FAM13A: variants seen among roughly 807,000 people sequenced by gnomAD.
The protein encoded by FAM13A is protein FAM13A.
FAM13A carries 76 observed loss-of-function variants against 129.6 expected under a neutral mutation model. That is an observed-to-expected ratio of 0.59 (90% CI 0.49 to 0.71). The LOEUF (loss-of-function observed/expected upper bound fraction) is 0.71. FAM13A is among the 30% of genes least tolerant of loss of function. FAM13A has a pLI of 0.00. For missense variants in FAM13A, 1,108 were observed against 1,249.3 expected (o/e 0.89, Z 1.70); for synonymous variants, 443 against 449.9 (o/e 0.98, Z 0.20).
At chr4:88,894,670 C>T (rs1220724170) in intron 6 of FAM13A, among the ~76,000 whole-genome samples, 4 of 152,056 alleles carry the variant, frequency 2.6e-5, no homozygotes, top group African/African-American at 4.8e-5. Flanking sequence ...TACAGGCATG[C>T]GCCACCATGG....
At chr4:88,831,113 A>C (rs558690624) in intron 7 of FAM13A, among the ~76,000 whole-genome samples, 172 of 152,290 alleles carry the variant, frequency 1.1e-3, no homozygotes, top group African/African-American at 3.8e-3. Context: ...ACAGGGAAAA[A>C]TCCACAGTTT....
chr4:88,947,805 G>A (rs1560492016), intron 4 of FAM13A, among the ~76,000 whole-genome samples: 1 of 151,578 alleles, frequency 6.6e-6, no homozygotes, highest in Non-Finnish European at 1.5e-5. Context: ...CAGTAAATTT[G>A]TTACAATTTT....
At chr4:88,931,993 G>A (rs1178726165) in intron 5 of FAM13A, among the ~76,000 whole-genome samples, 3 of 152,180 alleles carry the variant, frequency 2.0e-5, no homozygotes, top group Non-Finnish European at 4.4e-5. Context: ...TGCTCAGAAG[G>A]TTCTAATATT....
At chr4:88,762,687 G>A (rs899995065) in intron 13 of FAM13A, among the ~76,000 whole-genome samples, 18 of 152,028 alleles carry the variant, frequency 1.2e-4, no homozygotes, top group Admixed American at 9.2e-4. Context: ...GCCTTCAAAT[G>A]TTAGCCTAGT....
intron 4 of FAM13A, among the ~76,000 whole-genome samples, chr4:88,971,964 C>T (rs1760143764): frequency 6.6e-6 from 1 of 152,160 alleles, no homozygotes; most frequent in South Asian, 2.1e-4. Context: ...ACATCTCCTT[C>T]AATAACAATA....
rs1393694824 is a variant in FAM13A at position 88,960,493 on chromosome 4, G to A, written c.606-22252C>T. Among the ~76,000 whole-genome samples, 5 of 152,080 alleles carry A rather than the reference G, an allele frequency of 3.3e-5. No homozygotes were observed. The East Asian group carries it at 7.7e-4, about 23-fold the overall frequency. On this transcript the variant is annotated intron_variant, in intron 4 of 23. Transcript: ENST00000264344. ...GTAATCCCTTGGTTCTACTTCTTCA[G>A]TATCATCTCCTTCAAAGAAAGAGAA...
chr4:89,032,045 C>T (rs535720088), intron 1 of FAM13A, among the ~76,000 whole-genome samples: 1 of 151,748 alleles, frequency 6.6e-6, no homozygotes, highest in South Asian at 2.1e-4. Context: ...TGGTGAAACC[C>T]CATCTCTACT....
chr4:88,868,199 A>T (rs538583299), intron 6 of FAM13A, among the ~76,000 whole-genome samples: 1 of 152,188 alleles, frequency 6.6e-6, no homozygotes, highest in Non-Finnish European at 1.5e-5. Flanking sequence ...AAAATTTTTC[A>T]TGCTGGTCTT....
At chr4:89,025,249 T>G (rs989820971) in intron 2 of FAM13A, among the ~76,000 whole-genome samples, 2 of 51,384 alleles carry the variant, frequency 3.9e-5, no homozygotes, top group African/African-American at 2.2e-4. Flanking sequence ...ATCATTGTTT[T>G]TTTTTTTTTT....
At chr4:88,781,729 G>A (rs2149618834) in intron 10 of FAM13A, among the ~76,000 whole-genome samples, 1 of 151,660 alleles carries the variant, frequency 6.6e-6, no homozygotes, top group African/African-American at 2.4e-5. Flanking sequence ...AGTGTATGGA[G>A]AAAAATCTAA....
chr4:89,037,240 G>T (rs915212719), intron 1 of FAM13A, among the ~76,000 whole-genome samples: 3 of 152,258 alleles, frequency 2.0e-5, no homozygotes, highest in African/African-American at 7.2e-5. Context: ...TAAGGGCAGA[G>T]ATGCCCAAGT....
intron 7 of FAM13A, 111 bp downstream of exon 7, chr4:88,850,909 T>C: frequency 1.1e-6 from 1 of 935,254 alleles, no homozygotes; most frequent in Non-Finnish European, 1.7e-6. Flanking sequence ...TACTGATCTA[T>C]ATCCTGTAAA....
chr4:88,824,465 T>C (rs889048501), intron 7 of FAM13A, among the ~76,000 whole-genome samples: 2 of 152,166 alleles, frequency 1.3e-5, no homozygotes, highest in Non-Finnish European at 2.9e-5. Flanking sequence ...TTTATGAAAA[T>C]AGATTTGCCA....
chr4:89,019,641 A>G, intron 3 of FAM13A, among the ~76,000 whole-genome samples: 1 of 151,732 alleles, frequency 6.6e-6, no homozygotes, highest in Admixed American at 6.6e-5. Flanking sequence ...GGTGCCTGTA[A>G]TCCCAGCTAC....
At chr4:88,861,879 G>A (rs1027033250) in intron 6 of FAM13A, among the ~76,000 whole-genome samples, 3 of 152,258 alleles carry the variant, frequency 2.0e-5, no homozygotes, top group African/African-American at 7.2e-5. Context: ...AAAGGTGGTA[G>A]AACAGAGATA....
intron 7 of FAM13A, among the ~76,000 whole-genome samples, chr4:88,839,560 A>T (rs1017344217): frequency 7.9e-5 from 12 of 152,170 alleles, no homozygotes; most frequent in Admixed American, 3.9e-4. Flanking sequence ...TAAATATTGA[A>T]GTGGACTTGT....
At chr4:88,773,898 A>G (rs1721176925) in intron 11 of FAM13A, among the ~76,000 whole-genome samples, 1 of 152,222 alleles carries the variant, frequency 6.6e-6, no homozygotes, top group African/African-American at 2.4e-5. Context: ...GGTATATCAC[A>G]AAATGGCTTC....
At chr4:89,045,694 G>T (rs1193707320) in intron 1 of FAM13A, among the ~76,000 whole-genome samples, 1 of 152,342 alleles carries the variant, frequency 6.6e-6, no homozygotes, top group East Asian at 1.9e-4. Flanking sequence ...GACCTTGGCA[G>T]AGTATAAAAG....
At chr4:89,046,024 CA>C (rs34619235) in intron 1 of FAM13A, among the ~76,000 whole-genome samples, 7,573 of 103,356 alleles carry the variant, frequency 0.073, 254 homozygotes, top group South Asian at 0.26. Context: ...AACTCCATCT[CA>C]AAAAAAAAAA....
Sources: gnomAD v4.1 joint callset for allele counts (sites outside exome capture counted in the v4.1 genomes callset) on GRCh38, gnomAD v4.1.1 for gene constraint, MANE v1.5 for transcripts, NCBI Gene and HGNC (gene_info 2026-07-23, HGNC 2026-07-21) for gene names.